The following HDAC9 variants were observed in gnomAD, a reference collection of about 807,000 sequenced individuals.
HDAC9 encodes MEF-2 interacting transcription repressor (MITR) protein.
HDAC9 carries 41 observed loss-of-function variants against 139.4 expected under a neutral mutation model. The observed-to-expected ratio is 0.29, with a 90% CI of 0.23 to 0.38. The LOEUF is 0.38. HDAC9 is among the 10% of genes least tolerant of loss of function. HDAC9 has a pLI of 1.00. For synonymous variants in HDAC9, 517 were observed against 476.2 expected (o/e 1.09, Z -1.12); for missense variants, 1,147 against 1,297.0 (o/e 0.88, Z 1.78).
intron 14 of HDAC9, among the ~76,000 whole-genome samples, chr7:18,752,491 G>A (rs1203460225): frequency 6.6e-6 from 1 of 152,058 alleles, no homozygotes; most frequent in Non-Finnish European, 1.5e-5. Flanking sequence ...AGGCTAGAAG[G>A]GGCTATCAGA....
intron 1 of HDAC9, among the ~76,000 whole-genome samples, chr7:18,411,216 A>G (rs1473085680): frequency 1.3e-5 from 2 of 152,166 alleles, no homozygotes; most frequent in African/African-American, 4.8e-5. Context: ...TACTTTCTAT[A>G]TATAGATAGT....
intron 2 of HDAC9, among the ~76,000 whole-genome samples, chr7:18,561,923 G>A (rs867604284): frequency 3.3e-5 from 5 of 152,180 alleles, no homozygotes; most frequent in Admixed American, 2.6e-4. Flanking sequence ...ACAAGTTTTC[G>A]TGTGGATGTC....
intron 12 of HDAC9, among the ~76,000 whole-genome samples, chr7:18,700,782 A>G (rs1783413253): frequency 6.6e-6 from 1 of 152,174 alleles, no homozygotes; most frequent in Non-Finnish European, 1.5e-5. Context: ...GACTAGCCTT[A>G]GTGTGCTCAC....
intron 1 of HDAC9, among the ~76,000 whole-genome samples, chr7:18,435,396 G>A (rs376432225): frequency 1.8e-3 from 266 of 151,880 alleles, no homozygotes; most frequent in African/African-American, 4.7e-3. Context: ...CATGTACCCC[G>A]GAACTGAAAA....
intron 1 of HDAC9, among the ~76,000 whole-genome samples, chr7:18,137,211 C>T (rs1218714566): frequency 9.6e-5 from 11 of 114,298 alleles, no homozygotes; most frequent in Non-Finnish European, 1.4e-4. Flanking sequence ...TGGGCTGAGA[C>T]AATGGGGTTT....
chr7:18,849,541 C>G (rs1042484958), intron 21 of HDAC9, among the ~76,000 whole-genome samples: 1 of 152,038 alleles, frequency 6.6e-6, no homozygotes, highest in African/African-American at 2.4e-5. Context: ...TTTTTTAGAT[C>G]AGATATGACA....
chr7:18,273,669 A>G (rs573419432), intron 2 of HDAC9, among the ~76,000 whole-genome samples: 11 of 152,326 alleles, frequency 7.2e-5, no homozygotes, highest in Admixed American at 1.3e-4. Flanking sequence ...ACATTTTAAA[A>G]AGCACTAATC....
At position 18,644,852 on chromosome 7, in the gene HDAC9, A is replaced by C. The variant is rs952890605; in HGVS notation, c.1035+59A>C. On this transcript the variant is annotated intron_variant, in intron 9 of 25. Transcript: ENST00000686413. ...CTAAGCAATATCTTTTCACAGGGGA[A>C]CTCTCTTTCGTGTTTTATGTATTTA... The C allele has an allele frequency of 5.9e-6, 9 of 1,529,496 alleles. No individual in the cohort carries two copies. The East Asian group carries it at 7.1e-5, about 12-fold the overall frequency. 94.7% of individuals were successfully genotyped at this position (1,529,496 alleles called of 1,614,324 possible). A position where few individuals can be genotyped will look rare whatever the true frequency, so the allele number is the denominator to read the frequency against.
intron 1 of HDAC9, among the ~76,000 whole-genome samples, chr7:18,404,615 AAC>A (rs1238098803): frequency 6.6e-6 from 1 of 152,210 alleles, no homozygotes; most frequent in East Asian, 1.9e-4. Flanking sequence ...TAAGCTTAGA[AAC>A]ACAAAATACA....
chr7:18,660,135 G>T (rs910568842), intron 11 of HDAC9, among the ~76,000 whole-genome samples: 2 of 152,088 alleles, frequency 1.3e-5, no homozygotes, highest in Admixed American at 6.6e-5. Context: ...TTCAAATCTG[G>T]CAGGCAAGAA....
intron 1 of HDAC9, among the ~76,000 whole-genome samples, chr7:18,132,548 G>C (rs528006812): frequency 6.6e-6 from 1 of 151,974 alleles, no homozygotes; most frequent in South Asian, 2.1e-4. Flanking sequence ...AGCTGAAACC[G>C]CAGGCACATA....
At chr7:18,606,410 A>C (rs1237710918) in intron 6 of HDAC9, among the ~76,000 whole-genome samples, 1 of 152,308 alleles carries the variant, frequency 6.6e-6, no homozygotes, top group Admixed American at 6.5e-5. Flanking sequence ...TTATTCTTAC[A>C]AATTAATGAT....
chr7:18,944,632 A>G (rs1782246508), intron 23 of HDAC9, among the ~76,000 whole-genome samples: 4 of 152,176 alleles, frequency 2.6e-5, no homozygotes. Flanking sequence ...CACAGAGATC[A>G]CATATGTAAT....
intron 24 of HDAC9, among the ~76,000 whole-genome samples, chr7:18,964,219 G>A (rs1010535817): frequency 1.3e-5 from 2 of 152,090 alleles, no homozygotes; most frequent in Non-Finnish European, 2.9e-5. Flanking sequence ...CCTCTAGTGT[G>A]CTATTTTTCC....
intron 11 of HDAC9, among the ~76,000 whole-genome samples, chr7:18,654,811 C>T (rs4721715): frequency 0.33 from 50,152 of 151,730 alleles, 11,858 homozygotes; most frequent in African/African-American, 0.65. Context: ...CTCCCAACTT[C>T]ACACACATTG....
At chr7:18,307,807 T>A (rs375830796) in intron 1 of HDAC9, among the ~76,000 whole-genome samples, 18 of 152,194 alleles carry the variant, frequency 1.2e-4, no homozygotes, top group East Asian at 3.9e-4. Context: ...TGTCCCAAAT[T>A]TTTTTTAAAT....
chr7:18,125,227 C>G (rs537880301), intron 1 of HDAC9, among the ~76,000 whole-genome samples: 3 of 152,048 alleles, frequency 2.0e-5, no homozygotes, highest in African/African-American at 7.2e-5. Flanking sequence ...TTCCTGCCAC[C>G]CGGGACACTG....
chr7:18,842,580 T>C (rs12056282), intron 21 of HDAC9, among the ~76,000 whole-genome samples: 18,587 of 152,116 alleles, frequency 0.12, 2,450 homozygotes, highest in African/African-American at 0.33. Context: ...TCAAAAAGTT[T>C]TATCAAAGCG....
chr7:18,761,573 T>C (rs531007024), intron 14 of HDAC9, among the ~76,000 whole-genome samples: 111 of 152,328 alleles, frequency 7.3e-4, no homozygotes, highest in Non-Finnish European at 1.5e-3. Flanking sequence ...TCTGAATTTC[T>C]GTACTGACCT....
Sources: allele counts gnomAD v4.1 joint callset (sites outside exome capture counted in the v4.1 genomes callset), GRCh38; gene constraint gnomAD v4.1.1; transcripts MANE v1.5; gene names NCBI Gene and HGNC (gene_info 2026-07-23, HGNC 2026-07-21).